Variants in SYT13 observed in about 807,000 individuals in gnomAD.
The protein encoded by SYT13 is synaptotagmin-13.
Under a neutral mutation model 38.6 loss-of-function variants are expected in SYT13, and 21 were observed. The observed-to-expected ratio is 0.54, with a 90% CI of 0.39 to 0.78. The LOEUF is 0.78. Among genes scored for constraint, SYT13 ranks in the 30% least tolerant of loss-of-function variants. The pLI, the probability that SYT13 is intolerant of heterozygous loss-of-function variation, is 0.00. For synonymous variants in SYT13, 241 were observed against 237.6 expected, an observed-to-expected ratio of 1.01 and a Z score of -0.13; for missense variants, 495 against 548.7, an observed-to-expected ratio of 0.90 and a Z score of 0.98.
intron 3 of SYT13, 40 bp downstream of exon 3, chr11:45,254,230 A>G: frequency 1.3e-6 from 2 of 1,576,148 alleles, no homozygotes; most frequent in South Asian, 1.2e-5. Context: ...CAGGGGAGAT[A>G]GACACACAGA....
At chr11:45,285,915 A>C (rs1471285549) in intron 1 of SYT13, 110 bp downstream of exon 1, 1 of 1,182,714 alleles carries the variant, frequency 8.5e-7, no homozygotes, top group Non-Finnish European at 1.1e-6. Context: ...CCTCCCCGCC[A>C]AGCTTTGTCG....
rs1426129142 is a variant in SYT13, at chr11:45,245,582, AAT to A, written c.976+799_976+800del. 3.3e-5 allele frequency among the ~76,000 whole-genome samples: 5 copies of A among 152,206 alleles called. 1 individual carries two copies. Among genetic ancestry groups the A allele is most frequent in the Admixed American group, 3.3e-4 (5 of 15,290 alleles). The stretch of plus-strand genomic sequence containing the variant: ...AATTCTTTATTTGTACCCTGCTATA[AAT>A]AGAGACTTATTTATATCTTGCTAGG... On this transcript the variant is annotated intron_variant, in intron 5 of 5. Coordinates refer to ENST00000020926, the MANE Select transcript of SYT13 (RefSeq NM_020826.3).
rs530081388 is a variant in SYT13, at chr11:45,241,513, G to T, written c.*2539C>A. The T allele has an allele frequency of 8.4e-6, 1 of 119,674 alleles. No homozygotes were observed. The highest frequency in any genetic ancestry group is 3.3e-5 in the African/African-American group (1 of 30,616). 7.4% of individuals were successfully genotyped at this position (119,674 alleles called of 1,614,324 possible). A position where few individuals can be genotyped will look rare whatever the true frequency, so the allele number is the denominator to read the frequency against. Reference sequence around the variant, plus strand: ...AACTTTGAGATCCCTCCCCCGCCCCGCCCCCCCAAAAAAAAGAAGAAGAAG... The same window carrying T: ...AACTTTGAGATCCCTCCCCCGCCCCTCCCCCCCAAAAAAAAGAAGAAGAAG... On this transcript the variant is annotated 3_prime_UTR_variant, in exon 6 of 6. Coordinates refer to ENST00000020926, the MANE Select transcript of SYT13 (RefSeq NM_020826.3).
At chr11:45,254,538 G>A in intron 2 of SYT13, 134 bp from the exon 3 acceptor site, 5 of 1,286,582 alleles carry the variant, frequency 3.9e-6, no homozygotes, top group Non-Finnish European at 5.2e-6. Context: ...AATCACAGTG[G>A]CCACACCAAG....
chr11:45,250,881 T>C (rs1403743371), intron 4 of SYT13, among the ~76,000 whole-genome samples: 2 of 152,116 alleles, frequency 1.3e-5, no homozygotes, highest in African/African-American at 2.4e-5. Flanking sequence ...TCATGGCAGG[T>C]AATGAGATAG....
intron 4 of SYT13, among the ~76,000 whole-genome samples, chr11:45,248,342 A>G (rs1476582465): frequency 6.6e-6 from 1 of 152,248 alleles, no homozygotes; most frequent in Non-Finnish European, 1.5e-5. Flanking sequence ...TGGGCACACA[A>G]TAAACATTTG....
At chr11:45,261,362 C>G (rs564227010) in intron 1 of SYT13, among the ~76,000 whole-genome samples, 1 of 152,070 alleles carries the variant, frequency 6.6e-6, no homozygotes, top group African/African-American at 2.4e-5. Flanking sequence ...GAAGCTGAGG[C>G]GGGTAGATCA....
chr11:45,253,421 TA>T (rs762024641), intron 3 of SYT13, among the ~76,000 whole-genome samples: 7 of 152,326 alleles, frequency 4.6e-5, no homozygotes, highest in Non-Finnish European at 1.0e-4. Context: ...CTCAGTTTCC[TA>T]ATCTGTAAAA....
At chr11:45,280,256 C>T (rs898604425) in intron 1 of SYT13, among the ~76,000 whole-genome samples, 3 of 152,170 alleles carry the variant, frequency 2.0e-5, no homozygotes, top group Non-Finnish European at 2.9e-5. Flanking sequence ...TAGGACCACA[C>T]TGATGGTCTT....
At chr11:45,249,872 A>G (rs2135887633) in intron 4 of SYT13, among the ~76,000 whole-genome samples, 1 of 152,322 alleles carries the variant, frequency 6.6e-6, no homozygotes, top group East Asian at 1.9e-4. Context: ...CGTTCTGCAC[A>G]TGTATCCTAG....
In SYT13 at chr11:45,241,675, C is replaced by A. The variant is rs1294813440; in HGVS notation, c.*2377G>T. 1 of 152,140 alleles carries A rather than the reference C, an allele frequency of 6.6e-6. No homozygotes were observed. The highest frequency in any genetic ancestry group is 1.5e-5 in the Non-Finnish European group (1 of 68,036). 9.4% of individuals were successfully genotyped at this position (152,140 alleles called of 1,614,324 possible). A position where few individuals can be genotyped will look rare whatever the true frequency, so the allele number is the denominator to read the frequency against. On this transcript the variant is annotated 3_prime_UTR_variant, in exon 6 of 6. Coordinates refer to ENST00000020926, the MANE Select transcript of SYT13 (RefSeq NM_020826.3). ...ACAGATTTATAAGGAGCCATGTTTCCTGATTTTTGGTCTAGAATCCAAATT... is the reference window on the plus strand; with the variant it reads ...ACAGATTTATAAGGAGCCATGTTTCATGATTTTTGGTCTAGAATCCAAATT...
rs542497712 is a variant in SYT13, at chr11:45,249,228, C to T, written c.847-2716G>A. Among the ~76,000 whole-genome samples the T allele has an allele frequency of 3.3e-5, 5 of 152,218 alleles. No individual in the cohort carries two copies. The East Asian group carries it at 5.8e-4, about 18-fold the overall frequency. On this transcript the variant is annotated intron_variant, in intron 4 of 5. Coordinates refer to ENST00000020926, the MANE Select transcript of SYT13 (RefSeq NM_020826.3). ...TACCATCTCACGCCAGTTAGAATGG[C>T]GATCATTAAAGTCAGGAAACAACAG... is the stretch of plus-strand genomic sequence containing the variant.
chr11:45,247,531 C>T (rs1854627621), intron 4 of SYT13, among the ~76,000 whole-genome samples: 1 of 152,144 alleles, frequency 6.6e-6, no homozygotes, highest in Non-Finnish European at 1.5e-5. Flanking sequence ...TCCCTCTTTC[C>T]CAGCTGTGCA....
intron 1 of SYT13, among the ~76,000 whole-genome samples, chr11:45,259,306 A>G (rs751197): frequency 0.42 from 64,503 of 151,972 alleles, 15,667 homozygotes; most frequent in Non-Finnish European, 0.56. Context: ...TTGTGTTTAT[A>G]TTTGGTTTCA....
At position 45,244,050 on chromosome 11, in the gene SYT13, G is replaced by C. The variant is rs1425676668; in HGVS notation, c.*2C>G. The C allele has an allele frequency of 3.8e-5, 60 of 1,592,730 alleles. No individual in the cohort carries two copies. The highest frequency in any genetic ancestry group is 5.0e-5 in the Non-Finnish European group (59 of 1,172,196). ...CAAGAAGGGAGGCAGCTGGGCAGCT[G>C]GTTACAGGTGCAGCTGGTGCCACAT... On this transcript the variant is annotated 3_prime_UTR_variant, in exon 6 of 6. Transcript: ENST00000020926.
intron 2 of SYT13, among the ~76,000 whole-genome samples, chr11:45,255,108 C>T (rs1285039062): frequency 6.6e-6 from 1 of 151,778 alleles, no homozygotes; most frequent in African/African-American, 2.4e-5. Context: ...AGAGCAAGAC[C>T]CCATCTCAAA....
At chr11:45,285,994 C>T in intron 1 of SYT13, 31 bp downstream of exon 1, 3 of 1,592,076 alleles carry the variant, frequency 1.9e-6, no homozygotes. Context: ...CCGCCTTGCC[C>T]GGGAAGGGCC....
chr11:45,249,084 G>A (rs966038919), intron 4 of SYT13, among the ~76,000 whole-genome samples: 3 of 152,162 alleles, frequency 2.0e-5, no homozygotes, highest in Non-Finnish European at 2.9e-5. Context: ...ATCAAAAAGT[G>A]GGCAAAGGAT....
At chr11:45,254,557 TG>T (rs1378856577) in intron 2 of SYT13, 153 bp from the exon 3 acceptor site, 15 of 1,063,802 alleles carry the variant, frequency 1.4e-5, no homozygotes, top group Non-Finnish European at 1.9e-5. Flanking sequence ...AGACAACAGG[TG>T]GGGTCAATGT....
Sources: allele counts gnomAD v4.1 joint callset (sites outside exome capture counted in the v4.1 genomes callset), GRCh38; gene constraint gnomAD v4.1.1; transcripts MANE v1.5; gene names NCBI Gene and HGNC (gene_info 2026-07-23, HGNC 2026-07-21).